PTPN13: variants seen among roughly 807,000 people sequenced by gnomAD.
The protein encoded by PTPN13 is protein tyrosine phosphatase non-receptor type 13.
A neutral mutation model predicts 284.0 loss-of-function variants in PTPN13; 191 were observed. The observed-to-expected ratio is 0.67, with a 90% CI of 0.60 to 0.76. The LOEUF (loss-of-function observed/expected upper bound fraction) is 0.76. PTPN13 is among the 30% of genes least tolerant of loss of function. The pLI is 0.00. For synonymous variants in PTPN13, 986 were observed against 1,022.3 expected, an observed-to-expected ratio of 0.96 and a Z score of 0.68; for missense variants, 2,797 against 2,939.9, an observed-to-expected ratio of 0.95 and a Z score of 1.12.
At chr4:86,680,862 G>A (rs1457204957) in intron 3 of PTPN13, among the ~76,000 whole-genome samples, 1 of 152,126 alleles carries the variant, frequency 6.6e-6, no homozygotes, top group African/African-American at 2.4e-5. Flanking sequence ...CTGTTTTCAG[G>A]TTTCCACATC....
chr4:86,768,596 TC>T (rs1739594413), intron 28 of PTPN13, among the ~76,000 whole-genome samples: 1 of 151,970 alleles, frequency 6.6e-6, no homozygotes, highest in East Asian at 1.9e-4. Context: ...TCTGAATCAG[TC>T]CCCAAAATAA....
intron 39 of PTPN13, 38 bp downstream of exon 39, chr4:86,785,406 G>C: frequency 6.5e-7 from 1 of 1,533,538 alleles, no homozygotes; most frequent in Non-Finnish European, 8.8e-7. Flanking sequence ...ATACTATGGA[G>C]TACAAAAACG....
At position 86,814,465 on chromosome 4, in the gene PTPN13, A is replaced by G. The variant is rs34226837; in HGVS notation, c.7372A>G (p.Ile2458Val). The G allele has an allele frequency of 3.1e-3, 4,958 of 1,610,170 alleles. 143 individuals carry two copies. The African/African-American group carries it at 0.056, about 18-fold the overall frequency. ...CTTTTTTTGGCCATAGGATCAATATATTTTCTGCTATCAAGTCATCCTTTA... is the reference window on the plus strand; with the variant it reads ...CTTTTTTTGGCCATAGGATCAATATGTTTTCTGCTATCAAGTCATCCTTTA... ...HGMVQTEDQY[I>V]FCYQVILYVL... The change falls in exon 48 of 48, where the codon ATT becomes GTT. Residue 2458 changes from isoleucine (I) to valine (V), a missense_variant. Transcript: ENST00000411767.
chr4:86,782,723 G>C (rs375756043), intron 37 of PTPN13, among the ~76,000 whole-genome samples: 1 of 152,128 alleles, frequency 6.6e-6, no homozygotes, highest in African/African-American at 2.4e-5. Context: ...AGGTTTACTT[G>C]CTTTTGAAAG....
intron 2 of PTPN13, among the ~76,000 whole-genome samples, chr4:86,660,593 A>G (rs993025958): frequency 2.0e-5 from 3 of 152,168 alleles, no homozygotes; most frequent in Non-Finnish European, 2.9e-5. Flanking sequence ...TTGACATGCT[A>G]CATCTTGCCC....
chr4:86,620,830 G>T (rs543782475), intron 1 of PTPN13, among the ~76,000 whole-genome samples: 79 of 152,146 alleles, frequency 5.2e-4, no homozygotes, highest in African/African-American at 1.9e-3. Flanking sequence ...TTTACCTCTG[G>T]GAATTATAGA....
chr4:86,721,667 A>C, intron 9 of PTPN13, among the ~76,000 whole-genome samples: 2 of 147,848 alleles, frequency 1.4e-5, no homozygotes, highest in South Asian at 2.3e-4. Context: ...TCATATATGT[A>C]TTTCCTTCCC....
chr4:86,799,118 A>G lies in PTPN13; in HGVS notation c.6419A>G (p.Gln2140Arg). The change falls in exon 42 of 48, where the codon CAA becomes CGA. Residue 2140 changes from glutamine (Q) to arginine (R), a missense_variant. Transcript: ENST00000411767. Reference protein sequence around the residue: ...VKSESLIQKPQEKKTDDDEIT... With the variant: ...VKSESLIQKPREKKTDDDEIT... Reference sequence around the variant, plus strand: ...TTTCATAGCTTAATTCAGAAGCCACAAGAAAAGAAGACTGATGATGATGAA... The same window carrying G: ...TTTCATAGCTTAATTCAGAAGCCACGAGAAAAGAAGACTGATGATGATGAA... 2 of 1,582,740 alleles carry G rather than the reference A, an allele frequency of 1.3e-6. No individual in the cohort carries two copies. Among genetic ancestry groups the G allele is most frequent in the South Asian group, 1.2e-5 (1 of 83,424 alleles).
At chr4:86,774,855 A>T (rs1740440886) in intron 33 of PTPN13, among the ~76,000 whole-genome samples, 1 of 152,050 alleles carries the variant, frequency 6.6e-6, no homozygotes, top group Admixed American at 6.6e-5. Context: ...CTTTAATCTC[A>T]GTAAGGCATA....
Position 86,762,950 on chromosome 4 carries a change from C to A in PTPN13, c.3777C>A (p.Ser1259Arg). ...CTGAGAGTGCCAGCTTGTCTCAAAG[C>A]CAGGTCAATGGTTTCTTTGCCAGCC... ...SRTESASLSQ[S>R]QVNGFFASHL... Residue 1259 changes from serine (S) to arginine (R), a missense_variant, in exon 24 of 48, where the codon AGC becomes AGA. Transcript: ENST00000411767. The A allele has an allele frequency of 6.2e-7, 1 of 1,613,816 alleles. No homozygotes were observed. Among genetic ancestry groups the A allele is most frequent in the South Asian group, 1.1e-5 (1 of 91,054 alleles).
chr4:86,628,547 A>C (rs1310185487), intron 1 of PTPN13, among the ~76,000 whole-genome samples: 9 of 136,104 alleles, frequency 6.6e-5, no homozygotes, highest in African/African-American at 2.2e-4. Flanking sequence ...ACATGTGCAC[A>C]TTGTGCAGGT....
intron 3 of PTPN13, among the ~76,000 whole-genome samples, chr4:86,677,122 C>A (rs1047462758): frequency 6.6e-6 from 1 of 151,594 alleles, no homozygotes; most frequent in Non-Finnish European, 1.5e-5. Context: ...AAAAAATTAA[C>A]CAGGCATGGT....
intron 9 of PTPN13, among the ~76,000 whole-genome samples, chr4:86,718,455 CTT>C (rs796389778): frequency 2.1e-5 from 3 of 140,118 alleles, no homozygotes; most frequent in Admixed American, 7.2e-5. Context: ...TAATGGTCCA[CTT>C]TTTTTTTTTT....
chr4:86,724,239 G>T (rs189216160), intron 10 of PTPN13, among the ~76,000 whole-genome samples: 1 of 152,150 alleles, frequency 6.6e-6, no homozygotes, highest in Non-Finnish European at 1.5e-5. Flanking sequence ...ACTCAATAGG[G>T]CTTCATCAAT....
intron 17 of PTPN13, among the ~76,000 whole-genome samples, chr4:86,746,307 A>G (rs992087210): frequency 6.6e-6 from 1 of 152,232 alleles, no homozygotes; most frequent in Non-Finnish European, 1.5e-5. Context: ...GTAAATTCTT[A>G]TAGGTATAAG....
intron 9 of PTPN13, among the ~76,000 whole-genome samples, chr4:86,721,187 G>A (rs1442135093): frequency 1.3e-5 from 2 of 152,002 alleles, no homozygotes; most frequent in Non-Finnish European, 2.9e-5. Context: ...TAGCTCTGCT[G>A]TAAAATAATT....
At chr4:86,614,748 A>G (rs893180146) in intron 1 of PTPN13, among the ~76,000 whole-genome samples, 1 of 152,166 alleles carries the variant, frequency 6.6e-6, no homozygotes, top group African/African-American at 2.4e-5. Context: ...TACCAATTCC[A>G]GTAAAGTATT....
chr4:86,753,857 A>G (rs988902789), intron 20 of PTPN13, among the ~76,000 whole-genome samples: 5 of 152,122 alleles, frequency 3.3e-5, no homozygotes, highest in African/African-American at 1.2e-4. Flanking sequence ...AATAATTAAA[A>G]GCCTGATGAG....
chr4:86,762,826 A>T lies in PTPN13; in HGVS notation c.3653A>T (p.His1218Leu), dbSNP rs563602318. 13 of 1,613,928 alleles carry T rather than the reference A, an allele frequency of 8.1e-6. No homozygotes were observed. Among genetic ancestry groups the T allele is most frequent in the Admixed American group, 1.7e-5 (1 of 60,020 alleles). Residue 1218 changes from histidine (H) to leucine (L), a missense_variant, in exon 24 of 48, where the codon CAC becomes CTC. Physicochemically the swap from His to Leu is moderately conservative, Grantham distance 99. Transcript: ENST00000411767. ...DSAIDSSSKD[H>L]HWSRGTLRHI... ...GCTATAGATTCTTCTTCCAAGGATCACCACTGGTCACGTGGTACCCTGAGG... is the reference window on the plus strand; with the variant it reads ...GCTATAGATTCTTCTTCCAAGGATCTCCACTGGTCACGTGGTACCCTGAGG...
Sources: allele counts gnomAD v4.1 joint callset (sites outside exome capture counted in the v4.1 genomes callset), GRCh38; gene constraint gnomAD v4.1.1; transcripts MANE v1.5; gene names NCBI Gene and HGNC (gene_info 2026-07-23, HGNC 2026-07-21).